Variants in XPO7 observed in about 807,000 individuals in gnomAD.
XPO7 encodes the protein exportin 7, also known as exportin-7.
A neutral mutation model predicts 144.3 loss-of-function variants in XPO7; 21 were observed. That is an observed-to-expected ratio of 0.15 (90% CI 0.10 to 0.21). XPO7 has a LOEUF of 0.21. XPO7 is among the 10% of genes least tolerant of loss of function. The pLI is 1.00. For synonymous variants in XPO7, 580 were observed against 499.6 expected, an observed-to-expected ratio of 1.16 and a Z score of -2.15; for missense variants, 808 against 1,325.8, an observed-to-expected ratio of 0.61 and a Z score of 6.06.
At chr8:21,943,449 T>G (rs1479719787) in intron 1 of XPO7, among the ~76,000 whole-genome samples, 1 of 152,250 alleles carries the variant, frequency 6.6e-6, no homozygotes, top group African/African-American at 2.4e-5. Flanking sequence ...GCCCCTTTTA[T>G]TCTTTGGATT....
rs1295444178 is a variant in XPO7, at chr8:21,977,782, C to A, written c.776C>A (p.Ser259Tyr). The A allele has an allele frequency of 1.9e-6, 3 of 1,613,822 alleles. No homozygotes were observed. The highest frequency in any genetic ancestry group is 2.2e-5 in the South Asian group (2 of 91,066). ...TTTTCTTCCCCAGCCTTCTTAGATTCTTCAACCTTGCAGCTGTTTTTTGAC... is the reference window on the plus strand; with the variant it reads ...TTTTCTTCCCCAGCCTTCTTAGATTATTCAACCTTGCAGCTGTTTTTTGAC... Reference protein sequence around the residue: ...PTSWRSAFLDSSTLQLFFDLY... With the variant: ...PTSWRSAFLDYSTLQLFFDLY... Residue 259 changes from serine (S) to tyrosine (Y), a missense_variant, in exon 8 of 28, where the codon TCT becomes TAT. Physicochemically the swap from Ser to Tyr is moderately radical, Grantham distance 144. Coordinates refer to ENST00000252512, the MANE Select transcript of XPO7 (RefSeq NM_015024.5).
chr8:21,919,855 G>C (rs1185237041), intron 1 of XPO7, 67 bp downstream of exon 1: 1 of 316,194 alleles, frequency 3.2e-6, no homozygotes, highest in Non-Finnish European at 5.9e-6. Context: ...GGGTGCACAC[G>C]GCCCACAGGG....
At chr8:21,981,683 A>G (rs1812415941) in intron 9 of XPO7, 48 bp from the exon 10 acceptor site, 3 of 1,607,978 alleles carry the variant, frequency 1.9e-6, no homozygotes, top group Non-Finnish European at 2.6e-6. Context: ...TTCTTGAAGT[A>G]TGTTAAGGCA....
At chr8:21,961,812 G>A (rs185139046) in intron 1 of XPO7, among the ~76,000 whole-genome samples, 2 of 152,106 alleles carry the variant, frequency 1.3e-5, no homozygotes, top group African/African-American at 4.8e-5. Context: ...ACAGGCACAC[G>A]CCACCACATT....
rs148625485 is a variant in XPO7 at position 21,981,589 on chromosome 8, G to A, written c.958-142G>A. 876 of 968,514 alleles carry A rather than the reference G, an allele frequency of 9.0e-4. 4 individuals are homozygous for A. In the African/African-American group the frequency reaches 0.013, roughly 14 times the overall value. The allele number at this position is 968,514 out of a possible 1,614,324, so 60.0% of individuals were successfully genotyped here. ...AATTGTTTCTGAACATTATGCAGACGTATCATTCTGAATCATGACCTGCAG... is the reference window on the plus strand; with the variant it reads ...AATTGTTTCTGAACATTATGCAGACATATCATTCTGAATCATGACCTGCAG... On this transcript the variant is annotated intron_variant, in intron 9 of 27. Transcript: ENST00000252512.
At chr8:21,969,772 C>A in intron 3 of XPO7, 196 bp downstream of exon 3, 2 of 589,142 alleles carry the variant, frequency 3.4e-6, no homozygotes, top group Non-Finnish European at 5.9e-6. Flanking sequence ...TGGATAAAGC[C>A]TAAGTCCTCC....
At position 21,926,129 on chromosome 8, in the gene XPO7, C is replaced by T. The variant is rs1212329693; in HGVS notation, c.18+6341C>T. 2.6e-5 allele frequency among the ~76,000 whole-genome samples: 4 copies of T among 152,008 alleles called. No homozygotes were observed. The East Asian group carries it at 5.8e-4, about 22-fold the overall frequency. The stretch of plus-strand genomic sequence containing the variant: ...AAAAGCCCCTGGGTTTTAAACCTCT[C>T]TTAGAAAAACATTAGTTAGATGAAA... On this transcript the variant is annotated intron_variant, in intron 1 of 27. Transcript: ENST00000252512.
chr8:21,945,670 A>G (rs867405129), intron 1 of XPO7, among the ~76,000 whole-genome samples: 4 of 152,254 alleles, frequency 2.6e-5, no homozygotes, highest in Non-Finnish European at 5.9e-5. Context: ...TACTCAAAGT[A>G]AGGAAAATTC....
At chr8:21,989,858 T>TTTTTTTTTTTTTTTTTTTTTTTTTTG (rs1812707109) in intron 16 of XPO7, among the ~76,000 whole-genome samples, 1 of 91,808 alleles carries the variant, frequency 1.1e-5, no homozygotes, top group Non-Finnish European at 2.1e-5. Context: ...TTTTTTTTTT[T>TTTTTTTTTTTTTTTTTTTTTTTTTTG]TTTTTTTTTG....
intron 1 of XPO7, among the ~76,000 whole-genome samples, chr8:21,938,186 G>C (rs911261459): frequency 2.0e-5 from 3 of 152,040 alleles, no homozygotes; most frequent in Non-Finnish European, 2.9e-5. Flanking sequence ...CACAGAACCA[G>C]TTACATTCAA....
rs1379389513 is a variant in XPO7, at chr8:22,002,275, A to G, written c.2943+3A>G. On this transcript the variant is annotated splice_donor_region_variant and intron_variant, in intron 25 of 27. Coordinates refer to ENST00000252512, the MANE Select transcript of XPO7 (RefSeq NM_015024.5). ...AGCATCCAGAGATGATCCAGCAGGT[A>G]AGAAAGTGGAGGCTTAGGAGGCAGT... 2 of 1,611,672 alleles carry G rather than the reference A, an allele frequency of 1.2e-6. No homozygotes were observed. Among genetic ancestry groups the G allele is most frequent in the African/African-American group, 2.7e-5 (2 of 74,890 alleles).
intron 1 of XPO7, among the ~76,000 whole-genome samples, chr8:21,928,119 A>G (rs896196552): frequency 3.3e-5 from 5 of 151,812 alleles, no homozygotes; most frequent in African/African-American, 9.7e-5. Context: ...GACCCACACA[A>G]CCCTGTTCTG....
Position 21,970,178 on chromosome 8 carries a change from G to A in XPO7, c.294G>A (p.Pro98=), listed in dbSNP as rs138942595. ...NYVLNYLATR[P]KLATFVTQAL... ...TGCTCAACTACCTTGCCACTCGGCCGAAGTTGGCTACTTTCGTGACACAAG... is the reference window on the plus strand; with the variant it reads ...TGCTCAACTACCTTGCCACTCGGCCAAAGTTGGCTACTTTCGTGACACAAG... Residue 98 remains proline (P), a synonymous_variant, in exon 4 of 28, where the codon CCG becomes CCA. Coordinates refer to ENST00000252512, the MANE Select transcript of XPO7 (RefSeq NM_015024.5). 107 of 1,613,318 alleles carry A rather than the reference G, an allele frequency of 6.6e-5. No individual in the cohort carries two copies. Among genetic ancestry groups the A allele is most frequent in the Middle Eastern group, 3.3e-4 (2 of 6,058 alleles).
In XPO7 at chr8:21,935,518, G is replaced by C. The variant is rs540821035; in HGVS notation, c.18+15730G>C. ...TACTCCCTCCTTTCCATTAAATACAGATAGTCTTAACTCATATATTTGGTG... is the reference window on the plus strand; with the variant it reads ...TACTCCCTCCTTTCCATTAAATACACATAGTCTTAACTCATATATTTGGTG... On this transcript the variant is annotated intron_variant, in intron 1 of 27. Transcript: ENST00000252512. Among the ~76,000 whole-genome samples the C allele has an allele frequency of 3.3e-4, 51 of 152,272 alleles. No homozygotes were observed. In the South Asian group the frequency reaches 0.011, roughly 32 times the overall value.
At chr8:22,004,873 C>G (rs1813271273) in intron 27 of XPO7, 122 bp from the exon 28 acceptor site, 1 of 592,780 alleles carries the variant, frequency 1.7e-6, no homozygotes, top group Non-Finnish European at 2.9e-6. Context: ...ATTAACTGAT[C>G]TTTGAAACAG....
intron 1 of XPO7, among the ~76,000 whole-genome samples, chr8:21,932,588 C>T (rs1286580104): frequency 6.6e-6 from 1 of 151,470 alleles, no homozygotes; most frequent in Non-Finnish European, 1.5e-5. Flanking sequence ...TTTGGGTTTT[C>T]TCATGCGAAA....
chr8:21,923,355 G>A (rs925347653), intron 1 of XPO7, among the ~76,000 whole-genome samples: 2 of 152,182 alleles, frequency 1.3e-5, no homozygotes, highest in Admixed American at 6.5e-5. Context: ...TGCTACATCT[G>A]TGTTGGGTGA....
At chr8:21,922,022 G>A (rs1810305242) in intron 1 of XPO7, among the ~76,000 whole-genome samples, 1 of 152,190 alleles carries the variant, frequency 6.6e-6, no homozygotes, top group African/African-American at 2.4e-5. Context: ...AGTCTGCAAT[G>A]CATTGAGGGG....
chr8:21,979,761 TCAAAC>T (rs1348057697), intron 8 of XPO7, among the ~76,000 whole-genome samples: 1 of 152,158 alleles, frequency 6.6e-6, no homozygotes, highest in Admixed American at 6.5e-5. Context: ...CATCTACATG[TCAAAC>T]TCAGATTAGC....
Sources: allele counts gnomAD v4.1 joint callset (sites outside exome capture counted in the v4.1 genomes callset), GRCh38; gene constraint gnomAD v4.1.1; transcripts MANE v1.5; gene names NCBI Gene and HGNC (gene_info 2026-07-23, HGNC 2026-07-21).